Variants in RALGAPA1 observed in about 807,000 individuals in gnomAD.
RALGAPA1 encodes Ral GTPase activating protein catalytic subunit alpha 1, also known as ral GTPase-activating protein subunit alpha-1.
Under a neutral mutation model 269.6 loss-of-function variants are expected in RALGAPA1, and 52 were observed. The observed-to-expected ratio is 0.19, with a 90% CI of 0.15 to 0.24. RALGAPA1 has a LOEUF of 0.24. RALGAPA1 is among the 10% of genes least tolerant of loss of function. The pLI is 1.00. For synonymous variants in RALGAPA1, 817 were observed against 1,008.3 expected (o/e 0.81, Z 3.60); for missense variants, 1,917 against 3,013.9 (o/e 0.64, Z 8.52).
At chr14:35,648,789 C>A (rs1331046987) in intron 31 of RALGAPA1, among the ~76,000 whole-genome samples, 1 of 151,962 alleles carries the variant, frequency 6.6e-6, no homozygotes, top group Non-Finnish European at 1.5e-5. Context: ...CAGAGTGAGA[C>A]CCTGTCTCAA....
At chr14:35,551,653 G>A (rs979860510) in intron 39 of RALGAPA1, among the ~76,000 whole-genome samples, 57 of 151,972 alleles carry the variant, frequency 3.8e-4, no homozygotes, top group African/African-American at 1.3e-3. Context: ...CTAAAGCAGG[G>A]GAGGATATTT....
chr14:35,783,876 C>A (rs1463153371), intron 1 of RALGAPA1, among the ~76,000 whole-genome samples: 1 of 152,092 alleles, frequency 6.6e-6, no homozygotes, highest in Non-Finnish European at 1.5e-5. Context: ...TACTTCTAAC[C>A]CACTATGATA....
chr14:35,688,692 T>C lies in RALGAPA1; in HGVS notation c.3719A>G (p.Gln1240Arg). 6.7e-7 allele frequency: 1 copy of C among 1,481,598 alleles called. No individual in the cohort carries two copies. The highest frequency in any genetic ancestry group is 8.9e-7 in the Non-Finnish European group (1 of 1,123,430). 91.8% of individuals were successfully genotyped at this position (1,481,598 alleles called of 1,614,324 possible). ...TTGACTACTTGCAATTCCTTCTTTT[T>C]GTAATATGGTGGTGGGAATCTCTGT... ...ESTEIPTTIL[Q>R]KEGIASSQLG... is the part of the protein sequence containing the mutation. Residue 1240 changes from glutamine to arginine, a missense_variant, in exon 18 of 42, where the codon CAA becomes CGA. By Grantham distance (43) the Gln-to-Arg change is conservative. Coordinates refer to ENST00000680220, the MANE Select transcript of RALGAPA1 (RefSeq NM_001346249.2).
intron 17 of RALGAPA1, among the ~76,000 whole-genome samples, chr14:35,690,467 C>A (rs1167526073): frequency 6.6e-6 from 1 of 152,178 alleles, no homozygotes; most frequent in Non-Finnish European, 1.5e-5. Flanking sequence ...CAAGAGGCAT[C>A]TTTTCTTCAA....
intron 37 of RALGAPA1, among the ~76,000 whole-genome samples, chr14:35,588,195 C>T (rs2058427768): frequency 6.6e-6 from 1 of 152,254 alleles, no homozygotes; most frequent in Non-Finnish European, 1.5e-5. Flanking sequence ...TCCCAAAGTG[C>T]TGGGATTACA....
intron 35 of RALGAPA1, among the ~76,000 whole-genome samples, chr14:35,619,527 C>CA (rs1171818196): frequency 6.6e-6 from 1 of 152,038 alleles, no homozygotes; most frequent in African/African-American, 2.4e-5. Flanking sequence ...ATAAGAGACA[C>CA]AAAAAACCCT....
At chr14:35,680,940 G>T (rs1441619074) in intron 21 of RALGAPA1, among the ~76,000 whole-genome samples, 1 of 152,006 alleles carries the variant, frequency 6.6e-6, no homozygotes, top group Non-Finnish European at 1.5e-5. Context: ...ATCTATAATG[G>T]CTCACTTACT....
At chr14:35,653,664 G>T (rs1199459760) in intron 30 of RALGAPA1, among the ~76,000 whole-genome samples, 5 of 151,560 alleles carry the variant, frequency 3.3e-5, no homozygotes, top group African/African-American at 9.7e-5. Flanking sequence ...TTTTTGTGGG[G>T]GTATGTGATA....
At chr14:35,758,256 A>C (rs1301371398) in intron 6 of RALGAPA1, among the ~76,000 whole-genome samples, 9 of 150,988 alleles carry the variant, frequency 6.0e-5, no homozygotes, top group African/African-American at 1.9e-4. Context: ...AAAAAAAAAA[A>C]AAAAAAAAAA....
At chr14:35,659,590 G>A (rs1029136924) in intron 27 of RALGAPA1, among the ~76,000 whole-genome samples, 1 of 151,764 alleles carries the variant, frequency 6.6e-6, no homozygotes, top group Non-Finnish European at 1.5e-5. Flanking sequence ...CCAAAATATT[G>A]AAGATGAGTG....
chr14:35,625,309 A>C (rs1050212296), intron 35 of RALGAPA1, 52 bp downstream of exon 35: 2 of 1,170,124 alleles, frequency 1.7e-6, no homozygotes, highest in Non-Finnish European at 2.5e-6. Flanking sequence ...ATTATTCTAA[A>C]AGAGAAATAC....
intron 36 of RALGAPA1, among the ~76,000 whole-genome samples, chr14:35,604,370 A>T (rs561251234): frequency 6.6e-6 from 1 of 152,166 alleles, no homozygotes; most frequent in East Asian, 1.9e-4. Context: ...ATCAATAACG[A>T]TATCTAGAAA....
At chr14:35,786,817 T>C (rs1392829072) in intron 1 of RALGAPA1, among the ~76,000 whole-genome samples, 1 of 152,190 alleles carries the variant, frequency 6.6e-6, no homozygotes, top group African/African-American at 2.4e-5. Context: ...TGTGCTCTTA[T>C]CCTAACTGCT....
At chr14:35,558,530 A>T (rs1283198410) in intron 39 of RALGAPA1, among the ~76,000 whole-genome samples, 1 of 152,208 alleles carries the variant, frequency 6.6e-6, no homozygotes, top group African/African-American at 2.4e-5. Flanking sequence ...AAAAATAGAT[A>T]ATGGCATGTT....
At chr14:35,775,547 G>A in intron 2 of RALGAPA1, 88 bp downstream of exon 2, 6 of 1,446,646 alleles carry the variant, frequency 4.1e-6, no homozygotes, top group Non-Finnish European at 4.5e-6. Context: ...AAAAATAAGT[G>A]AAACAATATG....
At chr14:35,807,423 A>G (rs1446197214) in intron 1 of RALGAPA1, among the ~76,000 whole-genome samples, 1 of 152,204 alleles carries the variant, frequency 6.6e-6, no homozygotes, top group East Asian at 1.9e-4. Flanking sequence ...CTGCTTTCTT[A>G]CTACTCCACT....
intron 36 of RALGAPA1, among the ~76,000 whole-genome samples, chr14:35,603,839 G>A (rs2059427232): frequency 6.6e-6 from 1 of 152,084 alleles, no homozygotes; most frequent in South Asian, 2.1e-4. Context: ...CCAGAGGCAG[G>A]TGAAGGTGGT....
rs539397313 is a variant in RALGAPA1, at chr14:35,689,080, G to C, written c.3331C>G (p.Arg1111Gly). Residue 1111 changes from arginine to glycine, a missense_variant, in exon 18 of 42, where the codon CGC (arginine) becomes GGC (glycine). Arg to Gly is a moderately radical substitution (Grantham distance 125, BLOSUM62 -2). This residue lies in a region of RALGAPA1 where 615 missense variants were observed against 790.0 expected (regional missense o/e 0.78). Coordinates refer to ENST00000680220, the MANE Select transcript of RALGAPA1 (RefSeq NM_001346249.2). ...KKATLKAPVN[R>G]RMPHVTSTSK... Reference sequence around the variant, plus strand: ...GTACTTGTAACATGAGGCATTCTGCGGTTAACAGGTGCTTTTAGTGTTGCT... The same window carrying C: ...GTACTTGTAACATGAGGCATTCTGCCGTTAACAGGTGCTTTTAGTGTTGCT... 6 of 1,236,052 alleles carry C rather than the reference G, an allele frequency of 4.9e-6. No individual in the cohort carries two copies. In the East Asian group the frequency reaches 1.9e-4, roughly 39 times the overall value. 76.6% of individuals were successfully genotyped at this position (1,236,052 alleles called of 1,614,324 possible).
chr14:35,753,362 A>G (rs1287654654), intron 7 of RALGAPA1, among the ~76,000 whole-genome samples: 4 of 152,216 alleles, frequency 2.6e-5, no homozygotes, highest in Non-Finnish European at 5.9e-5. Context: ...TTTTTCCTAC[A>G]GTATGTAGCC....
Sources: gnomAD v4.1 joint callset for allele counts (sites outside exome capture counted in the v4.1 genomes callset) on GRCh38, gnomAD v4.1.1 for gene constraint, gnomAD v4.1.1 regional missense constraint, MANE v1.5 for transcripts, NCBI Gene and HGNC (gene_info 2026-07-23, HGNC 2026-07-21) for gene names.